MARCHF1: variants seen among roughly 807,000 people sequenced by gnomAD.
MARCHF1 encodes the protein membrane associated ring-CH-type finger 1, also known as E3 ubiquitin-protein ligase MARCHF1.
MARCHF1 carries 40 observed loss-of-function variants against 54.2 expected under a neutral mutation model. The observed-to-expected ratio is 0.74, with a 90% CI of 0.57 to 0.96. The LOEUF (loss-of-function observed/expected upper bound fraction) is 0.96. Among genes scored for constraint, MARCHF1 ranks in the 40% least tolerant of loss-of-function variants. MARCHF1 has a pLI of 0.00. For synonymous variants in MARCHF1, 236 were observed against 236.3 expected (o/e 1.00, Z 0.01); for missense variants, 586 against 656.5 (o/e 0.89, Z 1.17).
intron 1 of MARCHF1, among the ~76,000 whole-genome samples, chr4:164,235,794 A>G (rs1489998076): frequency 1.3e-5 from 2 of 152,124 alleles, no homozygotes; most frequent in African/African-American, 4.8e-5. Context: ...GGTACAATGT[A>G]TACTACTCGG....
At chr4:164,217,063 CAATCA>C (rs772534286) in intron 1 of MARCHF1, among the ~76,000 whole-genome samples, 30 of 152,090 alleles carry the variant, frequency 2.0e-4, no homozygotes, top group Non-Finnish European at 3.7e-4. Flanking sequence ...ACCTATAGAG[CAATCA>C]CCTTTCACTC....
chr4:164,291,843 G>A (rs1027027624), intron 1 of MARCHF1, among the ~76,000 whole-genome samples: 1 of 151,938 alleles, frequency 6.6e-6, no homozygotes, highest in Non-Finnish European at 1.5e-5. Context: ...TCATTATGTG[G>A]GCCATGACTT....
chr4:164,026,367 A>G (rs1316385090), intron 2 of MARCHF1, among the ~76,000 whole-genome samples: 5 of 152,186 alleles, frequency 3.3e-5, no homozygotes, highest in African/African-American at 1.2e-4. Flanking sequence ...CCAGTGGCAC[A>G]CTAAAAAGTT....
chr4:163,793,673 T>C (rs1471115672), intron 4 of MARCHF1, among the ~76,000 whole-genome samples: 1 of 152,112 alleles, frequency 6.6e-6, no homozygotes, highest in African/African-American at 2.4e-5. Context: ...GCCTGGTAGT[T>C]AAAGATTGAC....
intron 1 of MARCHF1, among the ~76,000 whole-genome samples, chr4:164,306,007 C>T (rs1164466011): frequency 6.6e-6 from 1 of 152,020 alleles, no homozygotes; most frequent in Non-Finnish European, 1.5e-5. Flanking sequence ...AAGATGTTGT[C>T]ACTGATTGTT....
intron 4 of MARCHF1, among the ~76,000 whole-genome samples, chr4:163,746,483 T>G (rs1746364780): frequency 6.6e-6 from 1 of 152,198 alleles, no homozygotes; most frequent in South Asian, 2.1e-4. Context: ...GTGCAGGGTT[T>G]TTTTTTGTGG....
chr4:163,650,738 C>T (rs1161631303), intron 5 of MARCHF1, among the ~76,000 whole-genome samples: 1 of 151,934 alleles, frequency 6.6e-6, no homozygotes, highest in Non-Finnish European at 1.5e-5. Flanking sequence ...GCATTTATCA[C>T]TGTCTAAGCT....
At chr4:163,952,252 C>A (rs1207461923) in intron 3 of MARCHF1, among the ~76,000 whole-genome samples, 2 of 152,226 alleles carry the variant, frequency 1.3e-5, no homozygotes, top group South Asian at 4.1e-4. Flanking sequence ...TTCTTTTATT[C>A]TTTCTTTAGC....
intron 1 of MARCHF1, among the ~76,000 whole-genome samples, chr4:164,342,658 G>C (rs1431231290): frequency 3.9e-5 from 6 of 151,992 alleles, no homozygotes; most frequent in Non-Finnish European, 8.8e-5. Flanking sequence ...AGAGATATCT[G>C]AACTCCTATG....
At chr4:164,061,026 C>A (rs555850225) in intron 2 of MARCHF1, among the ~76,000 whole-genome samples, 2 of 152,208 alleles carry the variant, frequency 1.3e-5, no homozygotes, top group East Asian at 3.9e-4. Flanking sequence ...AGAAATGTAT[C>A]CAGCTAACCT....
In MARCHF1 at chr4:163,612,633, A is replaced by C. The variant is rs757225741; in HGVS notation, c.648T>G (p.Gly216=). 6.5e-6 allele frequency: 10 copies of C among 1,535,428 alleles called. No individual in the cohort carries two copies. Among genetic ancestry groups the C allele is most frequent in the Non-Finnish European group, 8.7e-7 (1 of 1,146,542 alleles). The change falls in exon 7 of 10, where the codon GGT becomes GGG. Residue 216 remains glycine (G), a synonymous_variant. Transcript: ENST00000514618. ...GIELVDLGSK[G]KEQQELIECE... is the part of the protein sequence containing the mutation. ...ATTCAATCAGCTCTTGTTGCTCTTT[A>C]CCTTTGGATCCCAGATCAACGAGCT... is the stretch of plus-strand genomic sequence containing the variant.
intron 1 of MARCHF1, among the ~76,000 whole-genome samples, chr4:164,139,907 C>T (rs2110852880): frequency 6.6e-6 from 1 of 152,192 alleles, no homozygotes; most frequent in Middle Eastern, 3.4e-3. Context: ...AAATTTGACT[C>T]ATTCAAATTT....
At chr4:164,308,735 T>C (rs1455805458) in intron 1 of MARCHF1, among the ~76,000 whole-genome samples, 1 of 151,954 alleles carries the variant, frequency 6.6e-6, no homozygotes, top group Non-Finnish European at 1.5e-5. Flanking sequence ...CTCTCACTTA[T>C]AAGTGGGAGC....
chr4:163,989,372 GTTAACCAT>G (rs1318166386), intron 2 of MARCHF1, among the ~76,000 whole-genome samples: 1 of 152,162 alleles, frequency 6.6e-6, no homozygotes, highest in East Asian at 1.9e-4. Context: ...TGTAAAGAGA[GTTAACCAT>G]TCAGTGCACC....
intron 9 of MARCHF1, among the ~76,000 whole-genome samples, chr4:163,541,030 G>GA (rs1261173022): frequency 4.9e-4 from 73 of 148,854 alleles, no homozygotes; most frequent in Admixed American, 2.7e-3. Flanking sequence ...CGTCTCAAAG[G>GA]AAAAAAAAAA....
intron 1 of MARCHF1, among the ~76,000 whole-genome samples, chr4:164,215,119 T>A (rs1386786696): frequency 6.6e-6 from 1 of 152,212 alleles, no homozygotes; most frequent in Non-Finnish European, 1.5e-5. Flanking sequence ...TTCTGTATCC[T>A]GGGGTTCTTT....
chr4:163,575,866 A>G (rs1216371090), intron 8 of MARCHF1, among the ~76,000 whole-genome samples: 2 of 151,720 alleles, frequency 1.3e-5, no homozygotes, highest in Non-Finnish European at 2.9e-5. Context: ...GACATCTTTT[A>G]TATTTCTGGG....
At chr4:164,101,670 G>A in intron 2 of MARCHF1, among the ~76,000 whole-genome samples, 1 of 126,200 alleles carries the variant, frequency 7.9e-6, no homozygotes, top group South Asian at 2.9e-4. Flanking sequence ...GGAAAAAACA[G>A]AACAGAAAAA....
chr4:164,196,385 A>T (rs1731259061), intron 1 of MARCHF1, among the ~76,000 whole-genome samples: 1 of 152,144 alleles, frequency 6.6e-6, no homozygotes, highest in Non-Finnish European at 1.5e-5. Flanking sequence ...TTTGAAGCTT[A>T]TAAATCATTG....
Sources: allele counts gnomAD v4.1 joint callset (sites outside exome capture counted in the v4.1 genomes callset), GRCh38; gene constraint gnomAD v4.1.1; transcripts MANE v1.5; gene names NCBI Gene and HGNC (gene_info 2026-07-23, HGNC 2026-07-21).